Variants in SCAPER observed in about 807,000 individuals in gnomAD.
SCAPER encodes the protein S phase cyclin A-associated protein in the endoplasmic reticulum.
Under a neutral mutation model 182.2 loss-of-function variants are expected in SCAPER, and 98 were observed. The observed-to-expected ratio is 0.54, with a 90% CI of 0.46 to 0.64. The LOEUF is 0.64. SCAPER is among the 30% of genes least tolerant of loss of function. The pLI is 0.00. For missense variants in SCAPER, 1,432 were observed against 1,690.0 expected (o/e 0.85, Z 2.68); for synonymous variants, 605 against 564.6 (o/e 1.07, Z -1.01).
At chr15:76,568,498 G>A (rs1176565939) in intron 23 of SCAPER, among the ~76,000 whole-genome samples, 1 of 151,846 alleles carries the variant, frequency 6.6e-6, no homozygotes, top group Admixed American at 6.6e-5. Flanking sequence ...TGTGATTACA[G>A]GTGCCCACCA....
intron 2 of SCAPER, among the ~76,000 whole-genome samples, chr15:76,875,207 T>C (rs1197711824): frequency 6.6e-6 from 1 of 151,958 alleles, no homozygotes; most frequent in Admixed American, 6.6e-5. Context: ...TTCTAGAGAA[T>C]AAAGAAGAAA....
At chr15:76,783,123 G>T (rs2064286760) in intron 8 of SCAPER, among the ~76,000 whole-genome samples, 1 of 151,918 alleles carries the variant, frequency 6.6e-6, no homozygotes, top group Non-Finnish European at 1.5e-5. Flanking sequence ...CAACCAAATT[G>T]ATAGACCACT....
At chr15:76,893,009 A>G (rs1330888602) in intron 1 of SCAPER, among the ~76,000 whole-genome samples, 1 of 152,254 alleles carries the variant, frequency 6.6e-6, no homozygotes, top group Admixed American at 6.5e-5. Flanking sequence ...GGATGAGTTC[A>G]TGTCCTTTGC....
intron 23 of SCAPER, among the ~76,000 whole-genome samples, chr15:76,573,703 G>A (rs748460872): frequency 2.6e-5 from 4 of 152,014 alleles, no homozygotes; most frequent in Non-Finnish European, 5.9e-5. Flanking sequence ...AAAAATCACT[G>A]AGGATATTTA....
At chr15:76,538,884 T>C (rs2044460295) in intron 23 of SCAPER, among the ~76,000 whole-genome samples, 1 of 152,086 alleles carries the variant, frequency 6.6e-6, no homozygotes, top group African/African-American at 2.4e-5. Flanking sequence ...AGGGACACTT[T>C]CCATTCCTCC....
intron 23 of SCAPER, among the ~76,000 whole-genome samples, chr15:76,509,463 A>G (rs1182839438): frequency 6.6e-6 from 1 of 152,128 alleles, no homozygotes; most frequent in African/African-American, 2.4e-5. Flanking sequence ...TAACCAGCCC[A>G]TTTGCTAGAG....
intron 1 of SCAPER, 58 bp downstream of exon 1, chr15:76,905,241 G>A (rs1426883433): frequency 1.1e-5 from 2 of 182,074 alleles, no homozygotes; most frequent in Non-Finnish European, 2.4e-5. Context: ...CAGACGGCCC[G>A]CGCCCCAACC....
At chr15:76,677,667 G>A (rs571368682) in intron 20 of SCAPER, among the ~76,000 whole-genome samples, 2 of 150,108 alleles carry the variant, frequency 1.3e-5, no homozygotes, top group African/African-American at 4.9e-5. Flanking sequence ...AAACTAATAC[G>A]TATGCAGACA....
intron 22 of SCAPER, among the ~76,000 whole-genome samples, chr15:76,595,189 A>G (rs112534736): frequency 1.6e-5 from 2 of 121,990 alleles, no homozygotes; most frequent in African/African-American, 5.0e-5. Flanking sequence ...CTAGTCTCTG[A>G]TAAAACAGAC....
At chr15:76,729,299 C>CAT (rs1469502640) in intron 16 of SCAPER, among the ~76,000 whole-genome samples, 1 of 147,030 alleles carries the variant, frequency 6.8e-6, no homozygotes, top group Admixed American at 6.8e-5. Context: ...TACACATACA[C>CAT]ACACACACAC....
At chr15:76,692,247 C>T (rs2058401394) in intron 20 of SCAPER, among the ~76,000 whole-genome samples, 1 of 151,916 alleles carries the variant, frequency 6.6e-6, no homozygotes. Context: ...ATTAATTATA[C>T]CAAAGAAATT....
chr15:76,901,254 G>A (rs1429735603), intron 1 of SCAPER, among the ~76,000 whole-genome samples: 1 of 152,064 alleles, frequency 6.6e-6, no homozygotes, highest in African/African-American at 2.4e-5. Context: ...GTAATTTGAA[G>A]AGCAATATAG....
chr15:76,402,751 A>G (rs2044552009), intron 27 of SCAPER, among the ~76,000 whole-genome samples: 1 of 152,060 alleles, frequency 6.6e-6, no homozygotes, highest in Admixed American at 6.6e-5. Context: ...TAATTGAGAA[A>G]ATTTTCAAAG....
At chr15:76,760,789 A>G (rs2062728224) in intron 14 of SCAPER, among the ~76,000 whole-genome samples, 1 of 152,214 alleles carries the variant, frequency 6.6e-6, no homozygotes, top group Admixed American at 6.5e-5. Flanking sequence ...CATATTGGAA[A>G]AACAATATTA....
At chr15:76,395,147 A>G (rs760815444) in intron 27 of SCAPER, among the ~76,000 whole-genome samples, 6 of 152,152 alleles carry the variant, frequency 3.9e-5, no homozygotes, top group Non-Finnish European at 8.8e-5. Flanking sequence ...ATGACCTCGA[A>G]TTTCATCCAT....
chr15:76,826,967 T>C (rs190132344), intron 5 of SCAPER, among the ~76,000 whole-genome samples: 452 of 152,334 alleles, frequency 3.0e-3, no homozygotes, highest in Non-Finnish European at 4.2e-3. Context: ...CAGTTTCATA[T>C]TCTGCTCTAT....
intron 25 of SCAPER, among the ~76,000 whole-genome samples, chr15:76,467,618 T>C (rs1394962566): frequency 1.3e-5 from 2 of 152,144 alleles, no homozygotes; most frequent in African/African-American, 4.8e-5. Context: ...TATTCATTCA[T>C]TCATCAAATA....
intron 15 of SCAPER, chr15:76,736,647 G>A (rs2151081756): frequency 6.6e-6 from 1 of 152,598 alleles, no homozygotes; most frequent in Non-Finnish European, 1.5e-5. Context: ...ACTTGGATGT[G>A]AGGGGGATCT....
Position 76,753,860 on chromosome 15 carries a change from C to T in SCAPER, c.1814G>A (p.Arg605Gln), listed in dbSNP as rs1320058806. The T allele has an allele frequency of 1.2e-6, 2 of 1,613,116 alleles. No individual in the cohort carries two copies. Among genetic ancestry groups the T allele is most frequent in the Non-Finnish European group, 1.7e-6 (2 of 1,179,324 alleles). ...CACAATTGCTTGTAACTGCACTTCT[C>T]GCTTAAACTCAGCATGAAGTAATTT... The part of the protein sequence containing the change: ...EEKLLHAEFK[R>Q]EVQLQAIVKK... The change falls in exon 15 of 32, where the codon CGA (arginine) becomes CAA (glutamine). Residue 605 changes from arginine to glutamine, a missense_variant. Physicochemically the swap from Arg to Gln is conservative, Grantham distance 43. This residue lies in a region of SCAPER where 88 missense variants were observed against 184.2 expected (regional missense o/e 0.48). Coordinates refer to ENST00000563290, the MANE Select transcript of SCAPER (RefSeq NM_020843.4).
Sources: gnomAD v4.1 joint callset for allele counts (sites outside exome capture counted in the v4.1 genomes callset) on GRCh38, gnomAD v4.1.1 for gene constraint, gnomAD v4.1.1 regional missense constraint, MANE v1.5 for transcripts, NCBI Gene and HGNC (gene_info 2026-07-23, HGNC 2026-07-21) for gene names.